Variants in BRINP3 observed in about 807,000 individuals in gnomAD.
The protein encoded by BRINP3 is BMP/retinoic acid-inducible neural-specific protein 3.
Under a neutral mutation model 71.0 loss-of-function variants are expected in BRINP3, and 19 were observed. That is an observed-to-expected ratio of 0.27 (90% CI 0.19 to 0.39). The LOEUF (loss-of-function observed/expected upper bound fraction) is 0.39, where lower values mean the gene tolerates loss of function less well. Ranked by LOEUF, BRINP3 falls within the 10% of genes least tolerant of loss-of-function variation. The probability of loss-of-function intolerance (pLI) is 1.00; values close to 1 mark genes in which losing one functional copy is unlikely to be tolerated. For missense variants in BRINP3, 959 were observed against 940.8 expected (o/e 1.02, Z -0.25); for synonymous variants, 380 against 337.7 (o/e 1.13, Z -1.37).
intron 2 of BRINP3, among the ~76,000 whole-genome samples, chr1:190,310,733 C>T (rs1039257861): frequency 1.3e-5 from 2 of 151,648 alleles, no homozygotes; most frequent in Admixed American, 1.3e-4. Flanking sequence ...GAACAGTTCC[C>T]TTTGAAATAC....
intron 2 of BRINP3, among the ~76,000 whole-genome samples, chr1:190,359,781 A>G (rs1431753175): frequency 6.6e-6 from 1 of 152,038 alleles, no homozygotes; most frequent in Non-Finnish European, 1.5e-5. Flanking sequence ...TTTTCCTTTA[A>G]TTAAGCATAT....
At chr1:190,261,755 A>C (rs1661202302) in intron 4 of BRINP3, among the ~76,000 whole-genome samples, 2 of 152,190 alleles carry the variant, frequency 1.3e-5, no homozygotes, top group African/African-American at 4.8e-5. Flanking sequence ...TTACATTACC[A>C]AATCAAAGAA....
chr1:190,359,319 G>A (rs1306705194), intron 2 of BRINP3, among the ~76,000 whole-genome samples: 2 of 152,024 alleles, frequency 1.3e-5, no homozygotes, highest in African/African-American at 4.8e-5. Context: ...TATTAACACT[G>A]ATTTACCATG....
chr1:190,200,509 T>C lies in BRINP3; in HGVS notation c.961+25573A>G, dbSNP rs115100439. 3.9e-3 allele frequency among the ~76,000 whole-genome samples: 594 copies of C among 152,272 alleles called. 2 individuals carry two copies. Among genetic ancestry groups the C allele is most frequent in the African/African-American group, 0.013 (556 of 41,574 alleles). ...TAGAATTTCATATAACCTTTATTTT[T>C]ATATATGAGACTTAGGAAATTAAAC... On this transcript the variant is annotated intron_variant, in intron 6 of 7. Coordinates refer to ENST00000367462, the MANE Select transcript of BRINP3 (RefSeq NM_199051.3).
At chr1:190,352,489 T>C (rs1477560717) in intron 2 of BRINP3, among the ~76,000 whole-genome samples, 3 of 152,002 alleles carry the variant, frequency 2.0e-5, no homozygotes, top group Admixed American at 6.6e-5. Flanking sequence ...AAAATAGGAA[T>C]CTAGGTATTA....
intron 2 of BRINP3, among the ~76,000 whole-genome samples, chr1:190,294,546 C>A (rs1664105697): frequency 6.6e-6 from 1 of 152,090 alleles, no homozygotes; most frequent in South Asian, 2.1e-4. Context: ...GCCACTTCAC[C>A]TGGCCCTCAA....
chr1:190,129,270 C>A (rs1176193706), intron 7 of BRINP3, among the ~76,000 whole-genome samples: 1 of 151,624 alleles, frequency 6.6e-6, no homozygotes, highest in East Asian at 1.9e-4. Flanking sequence ...TCTATGTAAA[C>A]CAATTGTAAA....
At chr1:190,338,516 T>C (rs1173435652) in intron 2 of BRINP3, among the ~76,000 whole-genome samples, 2 of 151,978 alleles carry the variant, frequency 1.3e-5, no homozygotes, top group African/African-American at 2.4e-5. Context: ...AGTTATGATA[T>C]GTGCATATAT....
In BRINP3 at chr1:190,234,420, C is replaced by T. The variant is rs1415639996; in HGVS notation, c.676G>A (p.Val226Ile). ...GCSNYDNLDSVSSVLVQSPEN... is the reference protein window; with the variant it reads ...GCSNYDNLDSISSVLVQSPEN... ...GGACTCTGAACCAGAACAGAACTGA[C>T]AGAATCTAGGTTGTCATAGTTACTG... is the stretch of plus-strand genomic sequence containing the variant. The change falls in exon 5 of 8, where the codon GTC becomes ATC. Residue 226 changes from valine to isoleucine, a missense_variant. By Grantham distance (29) the Val-to-Ile change is conservative. Transcript: ENST00000367462. 4 of 1,612,694 alleles carry T rather than the reference C, an allele frequency of 2.5e-6. No individual in the cohort carries two copies. Among genetic ancestry groups the T allele is most frequent in the Non-Finnish European group, 3.4e-6 (4 of 1,179,182 alleles).
At chr1:190,124,791 A>G (rs1653956160) in intron 7 of BRINP3, among the ~76,000 whole-genome samples, 2 of 152,080 alleles carry the variant, frequency 1.3e-5, no homozygotes, top group Admixed American at 1.3e-4. Context: ...GTTGTCCTAT[A>G]CAAGTAGTAT....
intron 2 of BRINP3, among the ~76,000 whole-genome samples, chr1:190,362,981 G>A (rs939401710): frequency 3.9e-5 from 6 of 151,970 alleles, no homozygotes; most frequent in African/African-American, 1.2e-4. Context: ...GATCATGATA[G>A]GATATTATTT....
chr1:190,140,995 A>G (rs1175493407), intron 7 of BRINP3, among the ~76,000 whole-genome samples: 1 of 152,168 alleles, frequency 6.6e-6, no homozygotes, highest in Non-Finnish European at 1.5e-5. Flanking sequence ...TCAAATAGGA[A>G]CTTGACCAGT....
intron 4 of BRINP3, among the ~76,000 whole-genome samples, chr1:190,252,978 T>C (rs991946682): frequency 6.6e-6 from 1 of 151,914 alleles, no homozygotes; most frequent in Non-Finnish European, 1.5e-5. Flanking sequence ...TCCCTGCCCT[T>C]TGTCCAAGTG....
chr1:190,164,072 G>A (rs1651259264), intron 6 of BRINP3, among the ~76,000 whole-genome samples: 1 of 151,998 alleles, frequency 6.6e-6, no homozygotes, highest in Non-Finnish European at 1.5e-5. Context: ...TGATGAGAGT[G>A]GGGAACTGAA....
At chr1:190,390,223 G>T (rs1048164128) in intron 2 of BRINP3, among the ~76,000 whole-genome samples, 1 of 151,682 alleles carries the variant, frequency 6.6e-6, no homozygotes, top group African/African-American at 2.4e-5. Flanking sequence ...AAGGAAAGAG[G>T]GTGGGATGGG....
intron 2 of BRINP3, among the ~76,000 whole-genome samples, chr1:190,388,165 C>A (rs1365423702): frequency 6.6e-6 from 1 of 151,682 alleles, no homozygotes; most frequent in Admixed American, 6.6e-5. Flanking sequence ...GAGTGAGTTA[C>A]CCTTAAAACT....
intron 1 of BRINP3, among the ~76,000 whole-genome samples, chr1:190,469,680 A>T (rs563793958): frequency 4.6e-5 from 7 of 151,174 alleles, no homozygotes; most frequent in African/African-American, 1.4e-4. Context: ...CTTATTATCT[A>T]TCCCAGGAAC....
At chr1:190,301,208 T>TAC (rs1558160682) in intron 2 of BRINP3, among the ~76,000 whole-genome samples, 1 of 35,040 alleles carries the variant, frequency 2.9e-5, no homozygotes, top group African/African-American at 8.5e-5. Flanking sequence ...CACATACATA[T>TAC]ATATATATAT....
intron 7 of BRINP3, among the ~76,000 whole-genome samples, chr1:190,119,222 C>A (rs1026208275): frequency 1.3e-5 from 2 of 151,796 alleles, no homozygotes; most frequent in African/African-American, 4.8e-5. Context: ...TAAAACATTA[C>A]ATTACATGAA....
Sources: allele counts gnomAD v4.1 joint callset (sites outside exome capture counted in the v4.1 genomes callset), GRCh38; gene constraint gnomAD v4.1.1; transcripts MANE v1.5; gene names NCBI Gene and HGNC (gene_info 2026-07-23, HGNC 2026-07-21).